ALOX12: variants seen among roughly 807,000 people sequenced by gnomAD.
The protein encoded by ALOX12 is arachidonate 12-lipoxygenase, 12S type.
ALOX12 carries 62 observed loss-of-function variants against 85.5 expected under a neutral mutation model. The observed-to-expected ratio is 0.73, with a 90% CI of 0.59 to 0.90. The LOEUF (loss-of-function observed/expected upper bound fraction) is 0.90. ALOX12 is among the 40% of genes least tolerant of loss of function. The pLI is 0.00. For synonymous variants in ALOX12, 299 were observed against 332.7 expected (o/e 0.90, Z 1.10); for missense variants, 751 against 856.5 (o/e 0.88, Z 1.54).
chr17:7,009,062 G>GT (rs1177619889), intron 11 of ALOX12, among the ~76,000 whole-genome samples: 13,675 of 134,516 alleles, frequency 0.1, 934 homozygotes, highest in Admixed American at 0.26. Flanking sequence ...CCCTCAATTG[G>GT]TTTTTTTTTT....
intron 9 of ALOX12, 70 bp downstream of exon 9, chr17:7,005,413 A>ATCAACTAT: frequency 1.5e-6 from 2 of 1,336,084 alleles, no homozygotes; most frequent in Non-Finnish European, 2.1e-6. Flanking sequence ...AGGATCCAAG[A>ATCAACTAT]TCAACTATGT....
chr17:6,998,147 G>A (rs1021367284), intron 2 of ALOX12, among the ~76,000 whole-genome samples: 4 of 152,126 alleles, frequency 2.6e-5, no homozygotes, highest in African/African-American at 9.7e-5. Flanking sequence ...GACAGTAGGT[G>A]TAGGTGTATA....
chr17:7,005,581 A>G (rs1909000401), intron 9 of ALOX12, among the ~76,000 whole-genome samples: 1 of 147,872 alleles, frequency 6.8e-6, no homozygotes, highest in Non-Finnish European at 1.5e-5. Context: ...CCTGGGTTCA[A>G]GCGATTCTCC....
chr17:6,999,475 C>A lies in ALOX12; in HGVS notation c.807+9C>A. ...TGGAGAAAGAACTTCAGGTACCTCTCCTTCCCCTGCCTGGCACTGTTCTCT... is the reference window on the plus strand; with the variant it reads ...TGGAGAAAGAACTTCAGGTACCTCTACTTCCCCTGCCTGGCACTGTTCTCT... On this transcript the variant is annotated intron_variant, in intron 6 of 13. Transcript: ENST00000251535. 6.2e-7 allele frequency: 1 copy of A among 1,613,522 alleles called. No individual in the cohort carries two copies. The highest frequency in any genetic ancestry group is 1.3e-5 in the African/African-American group (1 of 75,032).
At chr17:7,002,594 C>G in intron 8 of ALOX12, 1 of 452,680 alleles carries the variant, frequency 2.2e-6, no homozygotes, top group African/African-American at 2.0e-5. Context: ...TCAAGACCAG[C>G]CTGGGCAACA....
At position 7,000,005 on chromosome 17, in the gene ALOX12, G is replaced by A. The variant is rs1420819609; in HGVS notation, c.808-331G>A. 6.6e-6 allele frequency among the ~76,000 whole-genome samples: 1 copy of A among 152,184 alleles called. No individual in the cohort carries two copies. Among genetic ancestry groups the A allele is most frequent in the Non-Finnish European group, 1.5e-5 (1 of 68,044 alleles). ...GCTGAGCTGATAGGAGCCAAAACCA[G>A]AGCGCAGACCATTCGGGAATGATCA... On this transcript the variant is annotated intron_variant, in intron 6 of 13. Coordinates refer to ENST00000251535, the MANE Select transcript of ALOX12 (RefSeq NM_000697.3). This position sits in a 1 kb window ranked among gnomAD's most constrained non-coding sequence, Gnocchi z 4.6.
chr17:7,002,542 C>T (rs1160211135), intron 8 of ALOX12: 2 of 468,484 alleles, frequency 4.3e-6, no homozygotes, highest in African/African-American at 4.0e-5. Flanking sequence ...AATCCCAGTG[C>T]TTTGGGTGGC....
chr17:7,006,656 G>A (rs376835210), intron 11 of ALOX12, 49 bp downstream of exon 11: 187 of 1,521,818 alleles, frequency 1.2e-4, no homozygotes, highest in Middle Eastern at 1.8e-4. Flanking sequence ...ACTCTGCCAG[G>A]GCGCCTTCCC....
At chr17:6,998,393 A>G in intron 2 of ALOX12, 116 bp from the exon 3 acceptor site, 1 of 703,644 alleles carries the variant, frequency 1.4e-6, no homozygotes, top group African/African-American at 1.8e-5. Flanking sequence ...CCAGAGATAA[A>G]AGCAACAGTG....
In ALOX12 at chr17:7,004,217, A is replaced by C. The variant is rs1027294615; in HGVS notation, c.1162-1040A>C. 1.4e-3 allele frequency among the ~76,000 whole-genome samples: 161 copies of C among 116,470 alleles called. 3 individuals carry two copies. Among genetic ancestry groups the C allele is most frequent in the African/African-American group, 4.4e-3 (147 of 33,594 alleles). 76.4% of individuals were successfully genotyped at this position (116,470 alleles called of 152,430 possible). A position where few individuals can be genotyped will look rare whatever the true frequency, so the allele number is the denominator to read the frequency against. ...TTTAAATTTTTAATTTTAATATTAAATTAATTTAATTTAATATTAATTTAA... is the reference window on the plus strand; with the variant it reads ...TTTAAATTTTTAATTTTAATATTAACTTAATTTAATTTAATATTAATTTAA... On this transcript the variant is annotated intron_variant, in intron 8 of 13. Transcript: ENST00000251535.
chr17:7,007,641 T>A (rs1190999287), intron 11 of ALOX12, among the ~76,000 whole-genome samples: 1 of 152,118 alleles, frequency 6.6e-6, no homozygotes. Flanking sequence ...CCCAGCACTT[T>A]GGGAGGCTGA....
Position 7,010,595 on chromosome 17 carries a change from A to G in ALOX12, c.*172A>G. On this transcript the variant is annotated 3_prime_UTR_variant, in exon 14 of 14. Coordinates refer to ENST00000251535, the MANE Select transcript of ALOX12 (RefSeq NM_000697.3). ...CAGGGGAGCAGTAAACTTTCTCTGCAAAGACTAGATCCTTTTTTACGCTTT... is the reference window on the plus strand; with the variant it reads ...CAGGGGAGCAGTAAACTTTCTCTGCGAAGACTAGATCCTTTTTTACGCTTT... 1 of 765,942 alleles carries G rather than the reference A, an allele frequency of 1.3e-6. No homozygotes were observed. The highest frequency in any genetic ancestry group is 2.2e-5 in the South Asian group (1 of 45,544). 47.4% of individuals were successfully genotyped at this position (765,942 alleles called of 1,614,324 possible).
rs1462812573 is a variant in ALOX12, at chr17:7,000,276, C to G, written c.808-60C>G. On this transcript the variant is annotated intron_variant, in intron 6 of 13. Transcript: ENST00000251535. The surrounding 1 kb of genome is among the most constrained non-coding windows in gnomAD (Gnocchi z 4.6). ...CTAGACTAAATCTCTTGCCCTTTGCCCCGGCCCCCTGGGGGTAGACTTTGA... is the reference window on the plus strand; with the variant it reads ...CTAGACTAAATCTCTTGCCCTTTGCGCCGGCCCCCTGGGGGTAGACTTTGA... 3.8e-6 allele frequency: 6 copies of G among 1,593,796 alleles called. No homozygotes were observed. In the Admixed American group the frequency reaches 1.0e-4, roughly 27 times the overall value.
At chr17:6,998,131 G>A (rs983059770) in intron 2 of ALOX12, among the ~76,000 whole-genome samples, 3 of 152,078 alleles carry the variant, frequency 2.0e-5, no homozygotes, top group Non-Finnish European at 4.4e-5. Context: ...AAAGCAATCT[G>A]TAGTAGACAG....
Position 7,005,915 on chromosome 17 carries a change from C to G in ALOX12, c.1306C>G (p.Leu436Val). ...VQLLRRAAAQ[L>V]TYCSLCPPDD... ...GTTGCTCCGTCGGGCGGCAGCTCAG[C>G]TGACCTACTGCTCCCTCTGTCCTCC... The change falls in exon 10 of 14, where the codon CTG (leucine) becomes GTG (valine). Residue 436 changes from leucine (L) to valine (V), a missense_variant. By Grantham distance (32) the Leu-to-Val change is conservative. Coordinates refer to ENST00000251535, the MANE Select transcript of ALOX12 (RefSeq NM_000697.3). The G allele has an allele frequency of 6.2e-7, 1 of 1,613,786 alleles. No homozygotes were observed. Among genetic ancestry groups the G allele is most frequent in the Non-Finnish European group, 8.5e-7 (1 of 1,179,972 alleles).
intron 8 of ALOX12, among the ~76,000 whole-genome samples, chr17:7,004,399 A>G (rs1908926065): frequency 7.0e-6 from 1 of 141,862 alleles, no homozygotes; most frequent in African/African-American, 2.5e-5. Context: ...AATATTAATT[A>G]ATTTAATTTT....
chr17:6,999,705 A>G (rs1908618674), intron 6 of ALOX12: 1 of 496,290 alleles, frequency 2.0e-6, no homozygotes, highest in Non-Finnish European at 3.6e-6. Flanking sequence ...AGATGTTAGC[A>G]GGAACAGTGA....
intron 8 of ALOX12, chr17:7,002,134 G>C: frequency 2.8e-6 from 1 of 363,394 alleles, no homozygotes; most frequent in East Asian, 6.9e-5. Flanking sequence ...ATGCCCATAA[G>C]AACCAACCAG....
chr17:7,001,914 G>T (rs1032127807), intron 8 of ALOX12, 103 bp downstream of exon 8: 1 of 960,754 alleles, frequency 1.0e-6, no homozygotes, highest in Non-Finnish European at 1.6e-6. Flanking sequence ...GTAGCAATTT[G>T]TGAGTGAAGA....
Sources: allele counts gnomAD v4.1 joint callset (sites outside exome capture counted in the v4.1 genomes callset), GRCh38; gene constraint gnomAD v4.1.1; non-coding constraint Gnocchi (gnomAD v3.1); transcripts MANE v1.5; gene names NCBI Gene and HGNC (gene_info 2026-07-23, HGNC 2026-07-21).